BCAT1: variants seen among roughly 807,000 people sequenced by gnomAD.
BCAT1 encodes branched chain amino acid transaminase 1, also known as branched-chain-amino-acid aminotransferase, cytosolic.
A neutral mutation model predicts 52.4 loss-of-function variants in BCAT1; 48 were observed. The observed-to-expected ratio is 0.92, with a 90% CI of 0.73 to 1.16. The LOEUF (loss-of-function observed/expected upper bound fraction) is 1.16. Ranked by LOEUF, BCAT1 falls within the 50% of genes most tolerant of loss-of-function variation. The pLI is 0.00. For missense variants in BCAT1, 451 were observed against 457.1 expected (o/e 0.99, Z 0.12); for synonymous variants, 167 against 161.3 (o/e 1.04, Z -0.27).
At chr12:24,896,008 CATT>C (rs920017622) in intron 2 of BCAT1, among the ~76,000 whole-genome samples, 1 of 151,816 alleles carries the variant, frequency 6.6e-6, no homozygotes, top group African/African-American at 2.4e-5. Context: ...TTTGTTCTAC[CATT>C]ATTATTATTA....
chr12:24,835,752 C>T (rs547179243), intron 8 of BCAT1, among the ~76,000 whole-genome samples: 1 of 152,042 alleles, frequency 6.6e-6, no homozygotes, highest in East Asian at 1.9e-4. Flanking sequence ...CCATGTTCAG[C>T]TAATGTTTTT....
At chr12:24,907,781 C>T (rs1297947264) in intron 1 of BCAT1, among the ~76,000 whole-genome samples, 1 of 152,182 alleles carries the variant, frequency 6.6e-6, no homozygotes, top group African/African-American at 2.4e-5. Context: ...AAAAATTGTT[C>T]CTACTCCACC....
chr12:24,895,393 G>C (rs191050692), intron 2 of BCAT1, among the ~76,000 whole-genome samples: 1 of 152,200 alleles, frequency 6.6e-6, no homozygotes, highest in East Asian at 1.9e-4. Context: ...AGGCGTGGTG[G>C]CATGCACCTG....
At chr12:24,834,434 ACTAT>A in intron 8 of BCAT1, 4 of 984,988 alleles carry the variant, frequency 4.1e-6, no homozygotes, top group Non-Finnish European at 2.4e-6. Flanking sequence ...ATGTGTTTAA[ACTAT>A]CTGTTTAATT....
intron 1 of BCAT1, among the ~76,000 whole-genome samples, chr12:24,948,445 C>T (rs1282295282): frequency 6.6e-6 from 1 of 152,204 alleles, no homozygotes; most frequent in Non-Finnish European, 1.5e-5. Context: ...CTGCTTTTAA[C>T]AGTGAAAAGA....
chr12:24,949,069 G>A lies in BCAT1; in HGVS notation c.-137C>T. Reference sequence around the variant, plus strand: ...AGCAAGACCTGGGGCAGTGCCCGAGGCGGCGGCGAGTACACGTGGCGGGCT... The same window carrying A: ...AGCAAGACCTGGGGCAGTGCCCGAGACGGCGGCGAGTACACGTGGCGGGCT... On this transcript the variant is annotated 5_prime_UTR_variant, in exon 1 of 11. Coordinates refer to ENST00000261192, the MANE Select transcript of BCAT1 (RefSeq NM_005504.7). 2 of 814,294 alleles carry A rather than the reference G, an allele frequency of 2.5e-6. No individual in the cohort carries two copies. The highest frequency in any genetic ancestry group is 1.9e-6 in the Non-Finnish European group (1 of 515,842). 50.4% of individuals were successfully genotyped at this position (814,294 alleles called of 1,614,324 possible). A position where few individuals can be genotyped will look rare whatever the true frequency, so the allele number is the denominator to read the frequency against.
intron 5 of BCAT1, among the ~76,000 whole-genome samples, chr12:24,853,260 T>C (rs549291642): frequency 5.9e-5 from 9 of 152,332 alleles, no homozygotes; most frequent in African/African-American, 1.7e-4. Flanking sequence ...TGGAATACTA[T>C]GCAGCCATAA....
chr12:24,894,494 C>CA lies in BCAT1; in HGVS notation c.79-20dup. ...CTTTAGCCTGGGGAAGAAAAATCAT[C>CA]ACTATTTACAGAAAAGCTACTGAGC... On this transcript the variant is annotated intron_variant, in intron 2 of 10. Coordinates refer to ENST00000261192, the MANE Select transcript of BCAT1 (RefSeq NM_005504.7). 1 of 1,558,398 alleles carries CA rather than the reference C, an allele frequency of 6.4e-7. No individual in the cohort carries two copies. Among genetic ancestry groups the CA allele is most frequent in the Non-Finnish European group, 8.7e-7 (1 of 1,148,012 alleles).
intron 5 of BCAT1, among the ~76,000 whole-genome samples, chr12:24,862,773 C>A (rs1333276073): frequency 6.6e-6 from 1 of 151,938 alleles, no homozygotes; most frequent in African/African-American, 2.4e-5. Context: ...ATATTTAGGA[C>A]TGCCAGAACT....
At chr12:24,845,743 T>C (rs1169126810) in intron 6 of BCAT1, among the ~76,000 whole-genome samples, 3 of 152,230 alleles carry the variant, frequency 2.0e-5, no homozygotes, top group Non-Finnish European at 4.4e-5. Context: ...TACATCCTAA[T>C]GAAATTAAGT....
chr12:24,847,269 A>G (rs1941374896), intron 6 of BCAT1, among the ~76,000 whole-genome samples: 1 of 152,214 alleles, frequency 6.6e-6, no homozygotes, highest in African/African-American at 2.4e-5. Context: ...AAGATTTCCC[A>G]TATCCCTTTC....
chr12:24,926,029 G>A (rs1156384609), intron 1 of BCAT1, among the ~76,000 whole-genome samples: 1 of 152,050 alleles, frequency 6.6e-6, no homozygotes, highest in Non-Finnish European at 1.5e-5. Context: ...GGGAAGTGAG[G>A]AGCTTCTCTG....
chr12:24,896,652 A>G (rs1942967092), intron 2 of BCAT1, among the ~76,000 whole-genome samples: 1 of 152,136 alleles, frequency 6.6e-6, no homozygotes, highest in East Asian at 1.9e-4. Flanking sequence ...CTGTAATCCC[A>G]GCTACTTGGG....
chr12:24,862,594 A>T (rs1941874676), intron 5 of BCAT1, among the ~76,000 whole-genome samples: 1 of 152,180 alleles, frequency 6.6e-6, no homozygotes, highest in East Asian at 1.9e-4. Flanking sequence ...TGCTGCATAC[A>T]CGTTAGCCTA....
intron 9 of BCAT1, among the ~76,000 whole-genome samples, chr12:24,831,984 G>C (rs1334101720): frequency 6.6e-6 from 1 of 152,070 alleles, no homozygotes; most frequent in Non-Finnish European, 1.5e-5. Flanking sequence ...AATGCACCAG[G>C]TTTGCCAATG....
At chr12:24,854,952 G>A (rs4963594) in intron 5 of BCAT1, among the ~76,000 whole-genome samples, 128,390 of 152,122 alleles carry the variant, frequency 0.84, 54,485 homozygotes, top group East Asian at 1. Flanking sequence ...GAGACACAGC[G>A]GGGATACCTC....
In BCAT1 at chr12:24,836,922, GA is replaced by G. The variant is rs751751452; in HGVS notation, c.818-327del. Among the ~76,000 whole-genome samples, 46 of 78,962 alleles carry G rather than the reference GA, an allele frequency of 5.8e-4. 4 individuals are homozygous for G. The highest frequency in any genetic ancestry group is 2.0e-3 in the African/African-American group (45 of 22,762). 51.8% of individuals were successfully genotyped at this position (78,962 alleles called of 152,430 possible). On this transcript the variant is annotated intron_variant, in intron 7 of 10. Coordinates refer to ENST00000261192, the MANE Select transcript of BCAT1 (RefSeq NM_005504.7). Reference sequence around the variant, plus strand: ...GAAAAGAAAGAGAGAAAGAAAGAAAGAAAGAAAGAAAGAAAGAAAGAAAGAA... The same window carrying G: ...GAAAAGAAAGAGAGAAAGAAAGAAAGAAGAAAGAAAGAAAGAAAGAAAGAA...
At chr12:24,925,255 A>G (rs537817035) in intron 1 of BCAT1, among the ~76,000 whole-genome samples, 122 of 152,308 alleles carry the variant, frequency 8.0e-4, no homozygotes, top group African/African-American at 2.9e-3. Context: ...CAGGACTGCA[A>G]TTGCAATAGA....
intron 1 of BCAT1, 134 bp from the exon 2 acceptor site, chr12:24,902,019 A>C: frequency 6.3e-7 from 1 of 1,576,194 alleles, no homozygotes; most frequent in Non-Finnish European, 8.6e-7. Flanking sequence ...GGAGGCTCAG[A>C]CAACCAAGCA....
Sources: allele counts gnomAD v4.1 joint callset (sites outside exome capture counted in the v4.1 genomes callset), GRCh38; gene constraint gnomAD v4.1.1; transcripts MANE v1.5; gene names NCBI Gene and HGNC (gene_info 2026-07-23, HGNC 2026-07-21).